SIMC1: variants seen among roughly 807,000 people sequenced by gnomAD.
SIMC1 encodes SUMO-interacting motif-containing protein 1.
Under a neutral mutation model 82.3 loss-of-function variants are expected in SIMC1, and 55 were observed. The observed-to-expected ratio is 0.67, with a 90% CI of 0.54 to 0.84. SIMC1 has a LOEUF of 0.84. SIMC1 is among the 40% of genes least tolerant of loss of function. The pLI is 0.00. For missense variants in SIMC1, 915 were observed against 1,107.2 expected (o/e 0.83, Z 2.46); for synonymous variants, 353 against 426.3 (o/e 0.83, Z 2.12).
chr5:176,324,414 A>G (rs1251655566), intron 6 of SIMC1, among the ~76,000 whole-genome samples: 1 of 152,140 alleles, frequency 6.6e-6, no homozygotes, highest in Non-Finnish European at 1.5e-5. Context: ...GAGAGGTTCA[A>G]ATAGTATGTT....
intron 6 of SIMC1, among the ~76,000 whole-genome samples, chr5:176,323,810 C>T (rs1022978433): frequency 6.6e-6 from 1 of 151,866 alleles, no homozygotes; most frequent in African/African-American, 2.4e-5. Context: ...CACGGTGAAA[C>T]CCCGTCTCTA....
At chr5:176,281,613 A>T (rs1287303224) in intron 1 of SIMC1, among the ~76,000 whole-genome samples, 2 of 152,056 alleles carry the variant, frequency 1.3e-5, no homozygotes, top group African/African-American at 2.4e-5. Flanking sequence ...TTTGGTGTGG[A>T]TGTCCTTTCT....
At chr5:176,248,123 G>GT (rs1198980367) in intron 1 of SIMC1, among the ~76,000 whole-genome samples, 9 of 152,068 alleles carry the variant, frequency 5.9e-5, no homozygotes, top group African/African-American at 1.4e-4. Context: ...CTTTAAAGTA[G>GT]TTTTTTCTAA....
intron 4 of SIMC1, among the ~76,000 whole-genome samples, chr5:176,299,790 A>ACACAGAAC (rs1257121992): frequency 2.0e-5 from 3 of 152,236 alleles, no homozygotes; most frequent in Admixed American, 2.0e-4. Flanking sequence ...CCATAGACAT[A>ACACAGAAC]CACAGAACAT....
intron 9 of SIMC1, among the ~76,000 whole-genome samples, chr5:176,342,487 C>T (rs1031918876): frequency 2.0e-5 from 3 of 152,170 alleles, no homozygotes; most frequent in East Asian, 1.9e-4. Context: ...ATGCCATTAA[C>T]GTGGTATATG....
chr5:176,292,309 A>G (rs13163755), intron 2 of SIMC1, among the ~76,000 whole-genome samples: 5,203 of 152,234 alleles, frequency 0.034, 127 homozygotes, highest in Middle Eastern at 0.095. Flanking sequence ...CCACCGTATG[A>G]AGTGTTTTTT....
intron 1 of SIMC1, among the ~76,000 whole-genome samples, chr5:176,265,289 A>AAC (rs1457850414): frequency 6.6e-6 from 1 of 151,840 alleles, no homozygotes; most frequent in African/African-American, 2.4e-5. Context: ...CAAACAAACA[A>AAC]ACAGGATTCT....
At chr5:176,274,331 C>T (rs1251376689) in intron 1 of SIMC1, among the ~76,000 whole-genome samples, 29 of 147,746 alleles carry the variant, frequency 2.0e-4, no homozygotes, top group African/African-American at 4.5e-4. Context: ...TCATGTCCTT[C>T]GCCCACTTTT....
chr5:176,255,711 T>A (rs1761831580), intron 1 of SIMC1, among the ~76,000 whole-genome samples: 2 of 120,142 alleles, frequency 1.7e-5, no homozygotes, highest in African/African-American at 5.9e-5. Context: ...AATTAAAAAA[T>A]GAGTACTCCT....
At position 176,286,806 on chromosome 5, in the gene SIMC1, A is replaced by G. The variant is rs111301384; in HGVS notation, c.130-2848A>G. ...TACAAGAAAAAATCAACCCTATCAA[A>G]AAGTGGGCGAAATATATGAACAGAT... On this transcript the variant is annotated intron_variant, in intron 1 of 9. Transcript: ENST00000429602. Among the ~76,000 whole-genome samples, 882 of 152,312 alleles carry G rather than the reference A, an allele frequency of 5.8e-3. 11 individuals carry two copies. The highest frequency in any genetic ancestry group is 0.02 in the African/African-American group (833 of 41,570).
At chr5:176,301,402 C>G (rs1764034003) in intron 4 of SIMC1, among the ~76,000 whole-genome samples, 1 of 152,164 alleles carries the variant, frequency 6.6e-6, no homozygotes, top group African/African-American at 2.4e-5. Context: ...GGCAACTAAA[C>G]CTCTTTCCAT....
In SIMC1 at chr5:176,336,786, C is replaced by T; in HGVS notation, c.2238C>T (p.Leu746=). Residue 746 remains leucine (L), a synonymous_variant, in exon 8 of 10, where the codon CTC becomes CTT. Transcript: ENST00000429602. Reference sequence around the variant, plus strand: ...GCAAAGTGTTAGAAATCATATTCCTCCACAGCTGTGAGACACCCACCCGCC... The same window carrying T: ...GCAAAGTGTTAGAAATCATATTCCTTCACAGCTGTGAGACACCCACCCGCC... The part of the protein sequence containing the change: ...LRCKVLEIIF[L]HSCETPTRLP... 1 of 1,614,006 alleles carries T rather than the reference C, an allele frequency of 6.2e-7. No homozygotes were observed. The highest frequency in any genetic ancestry group is 1.7e-5 in the Admixed American group (1 of 60,016).
At chr5:176,245,113 C>G (rs1443520134) in intron 1 of SIMC1, among the ~76,000 whole-genome samples, 1 of 152,138 alleles carries the variant, frequency 6.6e-6, no homozygotes, top group African/African-American at 2.4e-5. Context: ...GAAGTTCTAA[C>G]CCCCCACTAC....
intron 1 of SIMC1, among the ~76,000 whole-genome samples, chr5:176,283,381 A>T (rs144262407): frequency 6.6e-6 from 1 of 152,190 alleles, no homozygotes; most frequent in Non-Finnish European, 1.5e-5. Flanking sequence ...AACATTCTTA[A>T]AGAAAAGAAT....
At chr5:176,283,313 A>G (rs1201543867) in intron 1 of SIMC1, among the ~76,000 whole-genome samples, 1 of 152,272 alleles carries the variant, frequency 6.6e-6, no homozygotes, top group Non-Finnish European at 1.5e-5. Context: ...CCATCAGACT[A>G]ACAGCTAATC....
intron 7 of SIMC1, among the ~76,000 whole-genome samples, chr5:176,327,262 A>G (rs1376856316): frequency 6.6e-6 from 1 of 152,242 alleles, no homozygotes; most frequent in East Asian, 1.9e-4. Context: ...CACCCAAATT[A>G]TGCTAAAAGA....
At chr5:176,277,183 T>C (rs1319341494) in intron 1 of SIMC1, among the ~76,000 whole-genome samples, 8 of 151,964 alleles carry the variant, frequency 5.3e-5, no homozygotes, top group Admixed American at 5.2e-4. Context: ...TTGATTTGCA[T>C]TTCTCTGATG....
At chr5:176,259,683 C>T (rs1581224174) in intron 1 of SIMC1, among the ~76,000 whole-genome samples, 1 of 150,618 alleles carries the variant, frequency 6.6e-6, no homozygotes, top group African/African-American at 2.4e-5. Context: ...TGAGGCATGA[C>T]AATTACTTGA....
rs763562110 is a variant in SIMC1 at position 176,290,306 on chromosome 5, T to G, written c.782T>G (p.Leu261Arg). The change falls in exon 2 of 10, where the codon CTA becomes CGA. Residue 261 changes from leucine to arginine, a missense_variant. Physicochemically the swap from Leu to Arg is moderately radical, Grantham distance 102. This residue lies in a region of SIMC1 where 902 missense variants were observed against 1,040.3 expected (regional missense o/e 0.87). Coordinates refer to ENST00000429602, the MANE Select transcript of SIMC1 (RefSeq NM_001308195.2). ...ACCATGCAGTGCCAACTACCAGCTC[T>G]AACTCACCCACCTCAAGAAGTGCCA... ...SQTMQCQLPA[L>R]THPPQEVPCP... 7.4e-6 allele frequency: 12 copies of G among 1,613,412 alleles called. No homozygotes were observed. Among genetic ancestry groups the G allele is most frequent in the Non-Finnish European group, 1.0e-5 (12 of 1,179,856 alleles).
Sources: allele counts gnomAD v4.1 joint callset (sites outside exome capture counted in the v4.1 genomes callset), GRCh38; gene constraint gnomAD v4.1.1; regional missense constraint gnomAD v4.1.1; transcripts MANE v1.5; gene names NCBI Gene and HGNC (gene_info 2026-07-23, HGNC 2026-07-21).